The following OPHN1 variants were observed in gnomAD, a reference collection of about 807,000 sequenced individuals.
The protein encoded by OPHN1 is oligophrenin-1.
Under a neutral mutation model 60.7 loss-of-function variants are expected in OPHN1, and 11 were observed. The ratio of observed to expected loss-of-function variants is 0.18; its 90% confidence interval spans 0.11 to 0.30. The LOEUF is 0.30. Among genes scored for constraint, OPHN1 ranks in the 10% least tolerant of loss-of-function variants. The pLI, the probability that OPHN1 is intolerant of heterozygous loss-of-function variation, is 1.00. For synonymous variants in OPHN1, 226 were observed against 222.6 expected, an observed-to-expected ratio of 1.02 and a Z score of -0.14; for missense variants, 449 against 611.0, an observed-to-expected ratio of 0.73 and a Z score of 2.80.
At chrX:68,111,696 G>A (rs1232874837) in intron 18 of OPHN1, among the ~76,000 whole-genome samples, 158 bp downstream of exon 18, 1 of 111,759 alleles carries the variant, frequency 8.9e-6, no homozygotes. Context: ...ATATGTACAT[G>A]GGTCAAGGCA....
chrX:68,074,847 G>A (rs1006461848), intron 19 of OPHN1, among the ~76,000 whole-genome samples: 1 of 111,451 alleles, frequency 9.0e-6, no homozygotes, highest in Admixed American at 9.6e-5. Flanking sequence ...AAGAGGGACT[G>A]GAATTGCTGA....
chrX:68,133,420 G>C (rs966050661), intron 15 of OPHN1: 31 of 762,145 alleles, frequency 4.1e-5, no homozygotes, highest in Non-Finnish European at 5.6e-5. Flanking sequence ...TATGGGACAA[G>C]GCCAACAAGC....
intron 16 of OPHN1, among the ~76,000 whole-genome samples, chrX:68,114,510 C>T (rs757311447): frequency 9.0e-5 from 10 of 111,258 alleles, no homozygotes. Context: ...TCTGTAATCC[C>T]AGCACTTTGG....
intron 2 of OPHN1, among the ~76,000 whole-genome samples, chrX:68,307,714 G>A (rs1305421433): frequency 9.0e-6 from 1 of 110,762 alleles, no homozygotes; most frequent in Non-Finnish European, 1.9e-5. Flanking sequence ...TATAGAACAG[G>A]AAAACATGTA....
intron 15 of OPHN1, among the ~76,000 whole-genome samples, chrX:68,185,719 T>C (rs949573087): frequency 9.1e-6 from 1 of 109,800 alleles, no homozygotes; most frequent in African/African-American, 3.3e-5. Flanking sequence ...AACACTAGCG[T>C]ATGCAGTGAA....
At chrX:68,376,908 C>A (rs2078560066) in intron 2 of OPHN1, among the ~76,000 whole-genome samples, 1 of 106,245 alleles carries the variant, frequency 9.4e-6, no homozygotes, top group South Asian at 4.1e-4. Context: ...ATGAAGGTTT[C>A]ATTCACATTA....
At chrX:68,168,484 T>G (rs1257639421) in intron 15 of OPHN1, among the ~76,000 whole-genome samples, 1 of 110,685 alleles carries the variant, frequency 9.0e-6, no homozygotes, top group East Asian at 2.8e-4. Flanking sequence ...TACCAGAATC[T>G]CTGGGACACA....
intron 19 of OPHN1, among the ~76,000 whole-genome samples, chrX:68,080,968 T>G (rs753828237): frequency 5.4e-5 from 6 of 111,475 alleles, no homozygotes; most frequent in Non-Finnish European, 7.5e-5. Flanking sequence ...CAGCATCCAA[T>G]GCACATCTTC....
chrX:68,344,052 T>C (rs1383855353), intron 2 of OPHN1, among the ~76,000 whole-genome samples: 1 of 112,044 alleles, frequency 8.9e-6, no homozygotes, highest in African/African-American at 3.2e-5. Context: ...ATAAAGATCC[T>C]ATCAATTTAG....
At chrX:68,238,103 G>A (rs1267126821) in intron 5 of OPHN1, among the ~76,000 whole-genome samples, 2 of 111,345 alleles carry the variant, frequency 1.8e-5, no homozygotes, top group South Asian at 3.8e-4. Flanking sequence ...TTTGAGTTTT[G>A]CCTTTCACTT....
chrX:68,212,546 C>T (rs1815504959), intron 7 of OPHN1, among the ~76,000 whole-genome samples: 1 of 111,729 alleles, frequency 9.0e-6, no homozygotes, highest in South Asian at 3.8e-4. Context: ...GATTGCATCA[C>T]TGCACTCTAG....
intron 3 of OPHN1, among the ~76,000 whole-genome samples, chrX:68,298,491 G>A (rs2078105483): frequency 9.0e-6 from 1 of 111,127 alleles, no homozygotes; most frequent in African/African-American, 3.3e-5. Context: ...TTTTAACAGA[G>A]GACAAGATGA....
At chrX:68,152,439 T>A (rs1343212951) in intron 15 of OPHN1, among the ~76,000 whole-genome samples, 3 of 106,423 alleles carry the variant, frequency 2.8e-5, no homozygotes, top group African/African-American at 1.1e-4. Context: ...CAGAACCTTA[T>A]CCTATTTTTT....
chrX:68,234,702 CCTGG>C, intron 5 of OPHN1, 114 bp from the exon 6 acceptor site: 1 of 586,846 alleles, frequency 1.7e-6, no homozygotes, highest in Admixed American at 2.9e-5. Flanking sequence ...CCCTCTAGCT[CCTGG>C]AAGGAAAAAA....
Position 68,384,606 on chromosome X carries a change from C to T in OPHN1, c.154+48261G>A, listed in dbSNP as rs757618827. Among the ~76,000 whole-genome samples the T allele has an allele frequency of 5.4e-5, 6 of 110,506 alleles. No homozygotes were observed. In the South Asian group the frequency reaches 2.3e-3, roughly 43 times the overall value. ...GCATGTTGGCAGTTGCCTATAGTCC[C>T]AGCTACTCGGAAGGCTGAGGCTGGA... On this transcript the variant is annotated intron_variant, in intron 2 of 24. Coordinates refer to ENST00000355520, the MANE Select transcript of OPHN1 (RefSeq NM_002547.3).
At chrX:68,314,025 A>T (rs905598058) in intron 2 of OPHN1, among the ~76,000 whole-genome samples, 4 of 110,915 alleles carry the variant, frequency 3.6e-5, no homozygotes, top group Non-Finnish European at 7.5e-5. Context: ...AAAAAGAAAT[A>T]AATGAGAGGA....
Position 68,354,485 on chromosome X carries a change from C to A in OPHN1, c.155-55389G>T, listed in dbSNP as rs748724877. ...AAAAAAAAAAAAAAAAAGTCGGGCG[C>A]GGTGGCTCATGCCTGTAATCCCAGC... On this transcript the variant is annotated intron_variant, in intron 2 of 24. Coordinates refer to ENST00000355520, the MANE Select transcript of OPHN1 (RefSeq NM_002547.3). Among the ~76,000 whole-genome samples, 48 of 96,652 alleles carry A rather than the reference C, an allele frequency of 5.0e-4. 1 individual carries two copies. Among genetic ancestry groups the A allele is most frequent in the African/African-American group, 1.8e-3 (46 of 25,594 alleles). The allele number at this position is 96,652 out of a possible 115,157, so 83.9% of individuals were successfully genotyped here. A position where few individuals can be genotyped will look rare whatever the true frequency, so the allele number is the denominator to read the frequency against.
At chrX:68,075,779 C>G (rs1353403238) in intron 19 of OPHN1, among the ~76,000 whole-genome samples, 1 of 39,865 alleles carries the variant, frequency 2.5e-5, no homozygotes, top group African/African-American at 9.0e-5. Context: ...TATACATAGG[C>G]AAAAAAAAAA....
chrX:68,211,626 G>A (rs1471704333), intron 8 of OPHN1, among the ~76,000 whole-genome samples: 2 of 112,393 alleles, frequency 1.8e-5, no homozygotes, highest in African/African-American at 3.2e-5. Context: ...ATGCCCATCT[G>A]TAAGAACCAG....
Sources: allele counts gnomAD v4.1 joint callset (sites outside exome capture counted in the v4.1 genomes callset), GRCh38; gene constraint gnomAD v4.1.1; transcripts MANE v1.5; gene names NCBI Gene and HGNC (gene_info 2026-07-23, HGNC 2026-07-21).